Variants in ATP8A2 observed in about 807,000 individuals in gnomAD.
The protein encoded by ATP8A2 is ATPase phospholipid transporting 8A2.
A neutral mutation model predicts 165.6 loss-of-function variants in ATP8A2; 100 were observed. That is an observed-to-expected ratio of 0.60 (90% CI 0.51 to 0.71). The LOEUF (loss-of-function observed/expected upper bound fraction) is 0.71. Ranked by LOEUF, ATP8A2 falls within the 30% of genes least tolerant of loss-of-function variation. The pLI, the probability that ATP8A2 is intolerant of heterozygous loss-of-function variation, is 0.00. For missense variants in ATP8A2, 1,227 were observed against 1,479.5 expected, an observed-to-expected ratio of 0.83 and a Z score of 2.80; for synonymous variants, 543 against 548.8, an observed-to-expected ratio of 0.99 and a Z score of 0.15.
chr13:25,423,673 T>A (rs538430520), intron 1 of ATP8A2, among the ~76,000 whole-genome samples: 14 of 152,366 alleles, frequency 9.2e-5, no homozygotes, highest in African/African-American at 3.4e-4. Flanking sequence ...TTAATTCTTA[T>A]AATTTGTGTA....
intron 13 of ATP8A2, 30 bp downstream of exon 13, chr13:25,555,098 G>C: frequency 6.6e-7 from 1 of 1,504,908 alleles, no homozygotes; most frequent in South Asian, 1.1e-5. Flanking sequence ...CTTTGGGAAT[G>C]GTGACACGAG....
Position 25,912,393 on chromosome 13 carries a change from G to A in ATP8A2, c.3184-49182G>A, listed in dbSNP as rs542219992. On this transcript the variant is annotated intron_variant, in intron 33 of 36. Transcript: ENST00000381655. The stretch of plus-strand genomic sequence containing the variant: ...ATGGAGGTTATCAGAGGCTGGGGAT[G>A]GGGGATGGAGAGATGATGGTCAGAG... Among the ~76,000 whole-genome samples the A allele has an allele frequency of 3.3e-5, 5 of 152,262 alleles. No individual in the cohort carries two copies. The East Asian group carries it at 7.7e-4, about 24-fold the overall frequency.
intron 30 of ATP8A2, among the ~76,000 whole-genome samples, chr13:25,846,934 T>A (rs1418709893): frequency 6.6e-6 from 1 of 152,198 alleles, no homozygotes; most frequent in Non-Finnish European, 1.5e-5. Flanking sequence ...TATTTTACAG[T>A]AAGGTATGTG....
At chr13:25,420,478 T>C (rs894898392) in intron 1 of ATP8A2, among the ~76,000 whole-genome samples, 2 of 152,232 alleles carry the variant, frequency 1.3e-5, no homozygotes, top group South Asian at 2.1e-4. Flanking sequence ...GCTTATTACA[T>C]TGAACAATAG....
At chr13:25,675,865 A>G (rs2042361740) in intron 24 of ATP8A2, among the ~76,000 whole-genome samples, 1 of 152,224 alleles carries the variant, frequency 6.6e-6, no homozygotes, top group Admixed American at 6.5e-5. Context: ...AAATGCCATA[A>G]TTAATCATTT....
chr13:25,841,498 A>G (rs1467511342), intron 30 of ATP8A2, among the ~76,000 whole-genome samples: 1 of 152,236 alleles, frequency 6.6e-6, no homozygotes, highest in Admixed American at 6.5e-5. Flanking sequence ...TATTAAGTGT[A>G]TCAGAACAAC....
At position 25,570,798 on chromosome 13, in the gene ATP8A2, C is replaced by T; in HGVS notation, c.1505C>T (p.Thr502Ile). The change falls in exon 17 of 37, where the codon ACC (threonine) becomes ATC (isoleucine). Residue 502 changes from threonine to isoleucine, a missense_variant. Physicochemically the swap from Thr to Ile is moderately conservative, Grantham distance 89. Coordinates refer to ENST00000381655, the MANE Select transcript of ATP8A2 (RefSeq NM_016529.6). ...PTAPCIQEFL[T>I]LLAVCHTVVP... ...GCCCCTTGCATTCAGGAGTTCCTCA[C>T]CCTTCTGGCCGTGTGCCACACGGTT... 1 of 1,613,792 alleles carries T rather than the reference C, an allele frequency of 6.2e-7. No homozygotes were observed. The highest frequency in any genetic ancestry group is 1.1e-5 in the South Asian group (1 of 91,020).
chr13:25,857,182 A>G (rs1044637321), intron 30 of ATP8A2, among the ~76,000 whole-genome samples: 3 of 152,122 alleles, frequency 2.0e-5, no homozygotes, highest in Non-Finnish European at 4.4e-5. Flanking sequence ...CCTTGAGCTC[A>G]TCAAGTGCTG....
rs1286904610 is a variant in ATP8A2, at chr13:25,750,201, G to A, written c.2385-18845G>A. ...CCCTGAAGGGTCACTGGTCCAGTTC[G>A]TGTGGAAGACAGGCCGGTGTCCAGA... On this transcript the variant is annotated intron_variant, in intron 25 of 36. Coordinates refer to ENST00000381655, the MANE Select transcript of ATP8A2 (RefSeq NM_016529.6). This position sits in a 1 kb window ranked among gnomAD's most constrained non-coding sequence, Gnocchi z 4.3. Among the ~76,000 whole-genome samples, 4 of 152,138 alleles carry A rather than the reference G, an allele frequency of 2.6e-5. No homozygotes were observed. Among genetic ancestry groups the A allele is most frequent in the Non-Finnish European group, 4.4e-5 (3 of 68,020 alleles).
At chr13:25,494,305 C>T (rs1012191688) in intron 2 of ATP8A2, among the ~76,000 whole-genome samples, 3 of 152,166 alleles carry the variant, frequency 2.0e-5, no homozygotes, top group Admixed American at 6.5e-5. Context: ...GGGTCTGCTG[C>T]ATTTAATTGT....
At chr13:25,833,750 A>G (rs1232464239) in intron 28 of ATP8A2, among the ~76,000 whole-genome samples, 1 of 152,258 alleles carries the variant, frequency 6.6e-6, no homozygotes, top group Non-Finnish European at 1.5e-5. Flanking sequence ...ACTCCTGGAA[A>G]CATGTACTTT....
At chr13:25,699,434 G>C (rs1455027833) in intron 25 of ATP8A2, 89 bp downstream of exon 25, 1 of 1,061,472 alleles carries the variant, frequency 9.4e-7, no homozygotes, top group African/African-American at 1.6e-5. Flanking sequence ...GGGAATTCTA[G>C]GTTTAAAGTT....
intron 27 of ATP8A2, among the ~76,000 whole-genome samples, chr13:25,804,188 T>G (rs1248031716): frequency 6.6e-6 from 1 of 152,222 alleles, no homozygotes; most frequent in African/African-American, 2.4e-5. Context: ...CTTGTCTTAA[T>G]TAATAGTCAT....
chr13:25,644,868 C>T (rs1187707075), intron 24 of ATP8A2, among the ~76,000 whole-genome samples: 1 of 152,038 alleles, frequency 6.6e-6, no homozygotes, highest in Admixed American at 6.6e-5. Flanking sequence ...CTCTTATGGT[C>T]CTTTGGATTT....
chr13:25,931,615 T>C (rs1330697917), intron 33 of ATP8A2, among the ~76,000 whole-genome samples: 1 of 152,160 alleles, frequency 6.6e-6, no homozygotes, highest in African/African-American at 2.4e-5. Flanking sequence ...GTCGTGAGGC[T>C]GAGAGCACTG....
chr13:25,452,907 C>T (rs1011323428), intron 1 of ATP8A2, among the ~76,000 whole-genome samples: 8 of 151,498 alleles, frequency 5.3e-5, no homozygotes, highest in Middle Eastern at 6.8e-3. Flanking sequence ...CCAGCCTGGG[C>T]AACATGGGGA....
intron 24 of ATP8A2, among the ~76,000 whole-genome samples, chr13:25,603,229 T>C (rs763993085): frequency 1.3e-5 from 2 of 152,148 alleles, no homozygotes; most frequent in Non-Finnish European, 2.9e-5. Flanking sequence ...GGCTCACGCC[T>C]GTAATCCCAG....
At chr13:25,425,462 CT>C (rs1185474948) in intron 1 of ATP8A2, among the ~76,000 whole-genome samples, 1,938 of 58,920 alleles carry the variant, frequency 0.033, 70 homozygotes, top group African/African-American at 0.08. Flanking sequence ...TCTTTCTTTC[CT>C]TTTTTTTTTT....
In ATP8A2 at chr13:25,750,735, C is replaced by T. The variant is rs946600062; in HGVS notation, c.2385-18311C>T. Among the ~76,000 whole-genome samples, 7 of 152,216 alleles carry T rather than the reference C, an allele frequency of 4.6e-5. No homozygotes were observed. Among genetic ancestry groups the T allele is most frequent in the African/African-American group, 1.7e-4 (7 of 41,536 alleles). Reference sequence around the variant, plus strand: ...ATACGAGCACATGGGCATCAAAAAGCTTGCGAAGAAAAGTCCTCTTCTGCT... The same window carrying T: ...ATACGAGCACATGGGCATCAAAAAGTTTGCGAAGAAAAGTCCTCTTCTGCT... On this transcript the variant is annotated intron_variant, in intron 25 of 36. Coordinates refer to ENST00000381655, the MANE Select transcript of ATP8A2 (RefSeq NM_016529.6). This position sits in a 1 kb window ranked among gnomAD's most constrained non-coding sequence, Gnocchi z 4.3.
Sources: gnomAD v4.1 joint callset for allele counts (sites outside exome capture counted in the v4.1 genomes callset) on GRCh38, gnomAD v4.1.1 for gene constraint, Gnocchi (gnomAD v3.1) non-coding constraint, MANE v1.5 for transcripts, NCBI Gene and HGNC (gene_info 2026-07-23, HGNC 2026-07-21) for gene names.